Variants in GRID2 observed in about 807,000 individuals in gnomAD.
GRID2 encodes glutamate ionotropic receptor delta type subunit 2.
GRID2 carries 33 observed loss-of-function variants against 114.8 expected under a neutral mutation model. The observed-to-expected ratio is 0.29, with a 90% CI of 0.22 to 0.38. GRID2 has a LOEUF of 0.38. GRID2 is among the 10% of genes least tolerant of loss of function. The pLI, the probability that GRID2 is intolerant of heterozygous loss-of-function variation, is 1.00. For synonymous variants in GRID2, 505 were observed against 449.9 expected, an observed-to-expected ratio of 1.12 and a Z score of -1.55; for missense variants, 1,184 against 1,257.7, an observed-to-expected ratio of 0.94 and a Z score of 0.89.
chr4:93,328,450 A>C (rs1466392981), intron 8 of GRID2, among the ~76,000 whole-genome samples: 2 of 152,116 alleles, frequency 1.3e-5, no homozygotes, highest in African/African-American at 2.4e-5. Context: ...ATCCTAAACA[A>C]ATGTCATCTT....
At chr4:92,525,845 C>T (rs1188813963) in intron 1 of GRID2, among the ~76,000 whole-genome samples, 1 of 151,898 alleles carries the variant, frequency 6.6e-6, no homozygotes, top group South Asian at 2.1e-4. Context: ...GCATTTGGAG[C>T]CAGAGAGAGG....
At chr4:93,506,401 GCA>G (rs1728632132) in intron 12 of GRID2, among the ~76,000 whole-genome samples, 1 of 152,112 alleles carries the variant, frequency 6.6e-6, no homozygotes, top group Non-Finnish European at 1.5e-5. Context: ...ATCTTGCTGC[GCA>G]CTTTTTCTAG....
At chr4:92,594,743 ACT>A (rs1341513749) in intron 2 of GRID2, among the ~76,000 whole-genome samples, 2 of 151,716 alleles carry the variant, frequency 1.3e-5, no homozygotes, top group Non-Finnish European at 2.9e-5. Flanking sequence ...TTCATAAGTT[ACT>A]CTTTTTATTT....
At chr4:92,927,220 T>C (rs1043105898) in intron 2 of GRID2, among the ~76,000 whole-genome samples, 2 of 151,898 alleles carry the variant, frequency 1.3e-5, no homozygotes, top group Admixed American at 6.6e-5. Flanking sequence ...AGAAGTTTTA[T>C]TTCATAAGAG....
chr4:93,024,896 G>T (rs897776245), intron 2 of GRID2, among the ~76,000 whole-genome samples: 7 of 151,692 alleles, frequency 4.6e-5, no homozygotes, highest in African/African-American at 1.7e-4. Flanking sequence ...AGGAGGAAGA[G>T]AAAGAGGAGA....
intron 2 of GRID2, among the ~76,000 whole-genome samples, chr4:93,060,575 C>T (rs556175462): frequency 9.2e-5 from 14 of 152,152 alleles, no homozygotes; most frequent in East Asian, 1.9e-4. Flanking sequence ...TGTAATTTCA[C>T]GGGGCCATAA....
At chr4:92,440,999 T>C (rs1733029994) in intron 1 of GRID2, among the ~76,000 whole-genome samples, 1 of 151,760 alleles carries the variant, frequency 6.6e-6, no homozygotes, top group Admixed American at 6.6e-5. Flanking sequence ...GAGTTGAGCA[T>C]AGTTTGTGAT....
At chr4:92,720,532 CAAAT>C (rs760665906) in intron 2 of GRID2, among the ~76,000 whole-genome samples, 43 of 151,614 alleles carry the variant, frequency 2.8e-4, no homozygotes, top group African/African-American at 5.3e-4. Flanking sequence ...GACTCCATCT[CAAAT>C]AAATAAATAA....
intron 2 of GRID2, among the ~76,000 whole-genome samples, chr4:92,983,188 A>G (rs1754322330): frequency 6.6e-6 from 1 of 152,154 alleles, no homozygotes; most frequent in African/African-American, 2.4e-5. Context: ...ATAACAGAAT[A>G]CAAGAGGATG....
chr4:92,371,113 A>C (rs1729096760), intron 1 of GRID2, among the ~76,000 whole-genome samples: 1 of 152,176 alleles, frequency 6.6e-6, no homozygotes, highest in Non-Finnish European at 1.5e-5. Flanking sequence ...AAGCTGTAGA[A>C]GAAAACTTAG....
intron 13 of GRID2, among the ~76,000 whole-genome samples, chr4:93,525,210 C>T (rs1730765920): frequency 6.6e-6 from 1 of 151,916 alleles, no homozygotes; most frequent in Admixed American, 6.6e-5. Flanking sequence ...TACTTCAGAT[C>T]AGTGAAGACT....
intron 1 of GRID2, among the ~76,000 whole-genome samples, chr4:92,403,996 T>A (rs113910358): frequency 6.6e-6 from 1 of 152,014 alleles, no homozygotes; most frequent in African/African-American, 2.4e-5. Flanking sequence ...TAATCACAGA[T>A]TAACATAATA....
At chr4:92,956,652 T>A (rs1215124635) in intron 2 of GRID2, among the ~76,000 whole-genome samples, 1 of 152,200 alleles carries the variant, frequency 6.6e-6, no homozygotes, top group Non-Finnish European at 1.5e-5. Flanking sequence ...ACATAAGTTT[T>A]CATCTCCTTT....
chr4:93,016,177 A>G (rs1271325248), intron 2 of GRID2, among the ~76,000 whole-genome samples: 1 of 151,988 alleles, frequency 6.6e-6, no homozygotes, highest in Non-Finnish European at 1.5e-5. Flanking sequence ...AAAAAAGGTA[A>G]TAATACTAAA....
At chr4:92,517,179 C>T (rs1338216205) in intron 1 of GRID2, among the ~76,000 whole-genome samples, 1 of 142,816 alleles carries the variant, frequency 7.0e-6, no homozygotes, top group Non-Finnish European at 1.6e-5. Context: ...AAACCCTACT[C>T]ATAATAAGAT....
chr4:92,741,922 C>A (rs1486215084), intron 2 of GRID2, among the ~76,000 whole-genome samples: 1 of 152,070 alleles, frequency 6.6e-6, no homozygotes, highest in Non-Finnish European at 1.5e-5. Flanking sequence ...GAGAAAAATG[C>A]TATTTTACAA....
intron 2 of GRID2, among the ~76,000 whole-genome samples, chr4:92,643,905 G>C (rs201747851): frequency 6.6e-6 from 1 of 151,740 alleles, no homozygotes; most frequent in Non-Finnish European, 1.5e-5. Context: ...CAATTGCAAA[G>C]TGTAATTTTC....
At chr4:92,880,576 T>C (rs1168849072) in intron 2 of GRID2, among the ~76,000 whole-genome samples, 1 of 152,210 alleles carries the variant, frequency 6.6e-6, no homozygotes, top group Non-Finnish European at 1.5e-5. Context: ...TCATAGAAAG[T>C]GTTTGTTTCG....
At chr4:92,525,743 C>T (rs969182949) in intron 1 of GRID2, among the ~76,000 whole-genome samples, 5 of 151,994 alleles carry the variant, frequency 3.3e-5, no homozygotes, top group South Asian at 2.1e-4. Flanking sequence ...AATGATGACA[C>T]GGCACCATAA....
Sources: gnomAD v4.1 joint callset for allele counts (sites outside exome capture counted in the v4.1 genomes callset) on GRCh38, gnomAD v4.1.1 for gene constraint, MANE v1.5 for transcripts, NCBI Gene and HGNC (gene_info 2026-07-23, HGNC 2026-07-21) for gene names.